Variants in KCTD9 observed in about 807,000 individuals in gnomAD.
KCTD9 encodes the protein potassium channel tetramerization domain containing 9, also known as BTB/POZ domain-containing protein KCTD9.
KCTD9 carries 17 observed loss-of-function variants against 53.3 expected under a neutral mutation model. That is an observed-to-expected ratio of 0.32 (90% CI 0.22 to 0.48). The LOEUF is 0.48. Among genes scored for constraint, KCTD9 ranks in the 20% least tolerant of loss-of-function variants. KCTD9 has a pLI of 0.99. For missense variants in KCTD9, 179 were observed against 465.5 expected (o/e 0.38, Z 5.66); for synonymous variants, 128 against 162.7 (o/e 0.79, Z 1.62).
chr8:25,437,633 G>A (rs1183860330), intron 6 of KCTD9, among the ~76,000 whole-genome samples: 3 of 151,722 alleles, frequency 2.0e-5, no homozygotes, highest in African/African-American at 7.3e-5. Context: ...AGCCGAGATC[G>A]CGCCACTGCA....
chr8:25,456,461 G>C (rs114292815), intron 1 of KCTD9, among the ~76,000 whole-genome samples: 481 of 152,232 alleles, frequency 3.2e-3, no homozygotes, highest in African/African-American at 0.011. Context: ...ACTGAAGGGA[G>C]AGAAAACACT....
At chr8:25,449,332 A>AT (rs1802275427) in intron 1 of KCTD9, among the ~76,000 whole-genome samples, 1 of 152,146 alleles carries the variant, frequency 6.6e-6, no homozygotes, top group Non-Finnish European at 1.5e-5. Context: ...ACATCTCAGT[A>AT]TGGCTTTCTT....
At chr8:25,435,979 A>C (rs1304152308) in intron 8 of KCTD9, among the ~76,000 whole-genome samples, 1 of 152,204 alleles carries the variant, frequency 6.6e-6, no homozygotes, top group African/African-American at 2.4e-5. Flanking sequence ...ACTGACTTTT[A>C]AAAAACTGCT....
chr8:25,451,979 G>C (rs907505951), intron 1 of KCTD9, among the ~76,000 whole-genome samples: 1 of 151,854 alleles, frequency 6.6e-6, no homozygotes, highest in Non-Finnish European at 1.5e-5. Context: ...GATCCTAAAG[G>C]TCCAATAAAA....
intron 1 of KCTD9, among the ~76,000 whole-genome samples, chr8:25,449,531 T>C (rs987145142): frequency 1.3e-5 from 2 of 151,502 alleles, no homozygotes; most frequent in African/African-American, 2.4e-5. Context: ...ACTTGAATTG[T>C]CGTCTACTTC....
At chr8:25,432,325 T>C (rs1451169913) in intron 11 of KCTD9, among the ~76,000 whole-genome samples, 179 bp downstream of exon 11, 1 of 152,204 alleles carries the variant, frequency 6.6e-6, no homozygotes, top group Non-Finnish European at 1.5e-5. Flanking sequence ...ATCAAACTTA[T>C]TTACTTGAGA....
chr8:25,444,412 T>C, intron 2 of KCTD9, 77 bp from the exon 3 acceptor site: 1 of 1,321,344 alleles, frequency 7.6e-7, no homozygotes, highest in South Asian at 1.3e-5. Context: ...ATAGGAACTA[T>C]TCCTTACAAT....
chr8:25,457,312 A>T, intron 1 of KCTD9: 1 of 974,438 alleles, frequency 1.0e-6, no homozygotes, highest in Non-Finnish European at 1.2e-6. Flanking sequence ...TTAGACTCGT[A>T]AAGGCTGAGT....
At chr8:25,431,747 G>A (rs980640180) in intron 11 of KCTD9, among the ~76,000 whole-genome samples, 2 of 152,024 alleles carry the variant, frequency 1.3e-5, no homozygotes, top group African/African-American at 2.4e-5. Context: ...GCTACCGAGA[G>A]CTATCAAGAT....
At chr8:25,437,022 G>A (rs1213071413) in intron 6 of KCTD9, among the ~76,000 whole-genome samples, 1 of 152,162 alleles carries the variant, frequency 6.6e-6, no homozygotes, top group African/African-American at 2.4e-5. Context: ...GCTAATAAGG[G>A]TAAGTAGATA....
At chr8:25,435,094 A>G (rs1801994116) in intron 9 of KCTD9, among the ~76,000 whole-genome samples, 1 of 152,228 alleles carries the variant, frequency 6.6e-6, no homozygotes, top group Admixed American at 6.5e-5. Context: ...AAAGTACAGT[A>G]TATTGAGGAG....
At chr8:25,446,720 ATTAT>A (rs1319265252) in intron 1 of KCTD9, among the ~76,000 whole-genome samples, 8 of 152,290 alleles carry the variant, frequency 5.3e-5, no homozygotes, top group Non-Finnish European at 1.2e-4. Context: ...TTGTCCTTTT[ATTAT>A]TTATTTATTT....
At position 25,428,495 on chromosome 8, in the gene KCTD9, G is replaced by A. The variant is rs1801876833; in HGVS notation, c.*1362C>T. On this transcript the variant is annotated 3_prime_UTR_variant, in exon 12 of 12. Transcript: ENST00000221200. ...GGTTTTCAATGATTCCTTGCCTCAT[G>A]TTGATGAGTCTGTAGAATTCAGAAC... 1 of 152,450 alleles carries A rather than the reference G, an allele frequency of 6.6e-6. No homozygotes were observed. 9.4% of individuals were successfully genotyped at this position (152,450 alleles called of 1,614,324 possible).
intron 1 of KCTD9, chr8:25,450,374 C>T (rs1413492337): frequency 2.0e-6 from 2 of 985,048 alleles, no homozygotes; most frequent in East Asian, 1.1e-4. Flanking sequence ...TCAAATGGTA[C>T]ATTACCTGGC....
chr8:25,455,810 C>G (rs1802421852), intron 1 of KCTD9, among the ~76,000 whole-genome samples: 1 of 152,170 alleles, frequency 6.6e-6, no homozygotes, highest in Non-Finnish European at 1.5e-5. Context: ...GACCTGAGAC[C>G]AGCTGAATGT....
intron 1 of KCTD9, chr8:25,457,295 C>T: frequency 1.1e-6 from 1 of 929,130 alleles, no homozygotes; most frequent in Non-Finnish European, 1.3e-6. Context: ...ACCCATTTAC[C>T]TTTACCTTAG....
At chr8:25,447,781 A>C (rs1802242428) in intron 1 of KCTD9, among the ~76,000 whole-genome samples, 1 of 152,212 alleles carries the variant, frequency 6.6e-6, no homozygotes, top group Non-Finnish European at 1.5e-5. Context: ...TAAGCAGGTA[A>C]TTGCATAAAT....
At chr8:25,431,564 A>G (rs1801931360) in intron 11 of KCTD9, among the ~76,000 whole-genome samples, 1 of 152,118 alleles carries the variant, frequency 6.6e-6, no homozygotes, top group Non-Finnish European at 1.5e-5. Flanking sequence ...TTGCAATCAG[A>G]GAGAGGGAGG....
chr8:25,430,484 G>A (rs757814684), intron 11 of KCTD9, among the ~76,000 whole-genome samples: 6 of 152,108 alleles, frequency 3.9e-5, no homozygotes, highest in Non-Finnish European at 7.4e-5. Flanking sequence ...GGATCTAGGT[G>A]GGGTACTCCT....
Sources: gnomAD v4.1 joint callset for allele counts (sites outside exome capture counted in the v4.1 genomes callset) on GRCh38, gnomAD v4.1.1 for gene constraint, MANE v1.5 for transcripts, NCBI Gene and HGNC (gene_info 2026-07-23, HGNC 2026-07-21) for gene names.